Variants in CNTNAP2 observed in about 807,000 individuals in gnomAD.
CNTNAP2 encodes the protein contactin-associated protein-like 2.
Under a neutral mutation model 155.2 loss-of-function variants are expected in CNTNAP2, and 98 were observed. The observed-to-expected ratio is 0.63, with a 90% CI of 0.54 to 0.75. The LOEUF (loss-of-function observed/expected upper bound fraction) is 0.75. Among genes scored for constraint, CNTNAP2 ranks in the 30% least tolerant of loss-of-function variants. CNTNAP2 has a pLI of 0.00. For synonymous variants in CNTNAP2, 651 were observed against 631.2 expected (o/e 1.03, Z -0.47); for missense variants, 1,727 against 1,688.1 (o/e 1.02, Z -0.40).
At chr7:147,444,498 G>A (rs986737480) in intron 10 of CNTNAP2, among the ~76,000 whole-genome samples, 2 of 142,410 alleles carry the variant, frequency 1.4e-5, no homozygotes, top group African/African-American at 2.6e-5. Flanking sequence ...ATTTCATAAC[G>A]TATTTCTTTT....
intron 4 of CNTNAP2, among the ~76,000 whole-genome samples, chr7:147,080,782 G>A (rs1354090329): frequency 1.3e-5 from 2 of 150,832 alleles, no homozygotes; most frequent in East Asian, 3.9e-4. Context: ...ATGTCAATTA[G>A]AATCAGTCTC....
At chr7:146,528,330 T>C (rs956484724) in intron 1 of CNTNAP2, among the ~76,000 whole-genome samples, 5 of 152,174 alleles carry the variant, frequency 3.3e-5, no homozygotes, top group African/African-American at 7.2e-5. Flanking sequence ...GCACTGTTCT[T>C]TCTTTTATAT....
At chr7:148,077,290 C>T (rs890028042) in intron 15 of CNTNAP2, among the ~76,000 whole-genome samples, 2 of 148,562 alleles carry the variant, frequency 1.3e-5, no homozygotes, top group African/African-American at 5.1e-5. Context: ...CTGGGCAACA[C>T]AGCAAGACTT....
rs140505542 is a variant in CNTNAP2, at chr7:147,108,229, C to T, written c.633C>T (p.Val211=). The T allele has an allele frequency of 6.2e-7, 1 of 1,613,550 alleles. No individual in the cohort carries two copies. Among genetic ancestry groups the T allele is most frequent in the Non-Finnish European group, 8.5e-7 (1 of 1,179,754 alleles). ...RNKKMKTLKD[V]IALNFKTSES... is the part of the protein sequence containing the mutation. ...AGAAGATGAAAACACTGAAAGATGT[C>T]ATTGCCTTGAACTTTAAGACGTCTG... The change falls in exon 5 of 24, where the codon GTC becomes GTT. Residue 211 remains valine (V), a synonymous_variant. Transcript: ENST00000361727.
chr7:147,776,024 G>A (rs1203213790), intron 13 of CNTNAP2, among the ~76,000 whole-genome samples: 2 of 152,124 alleles, frequency 1.3e-5, no homozygotes, highest in African/African-American at 2.4e-5. Flanking sequence ...CTCAATATAA[G>A]ACCAATTAGA....
intron 4 of CNTNAP2, among the ~76,000 whole-genome samples, chr7:147,086,131 T>C (rs1800271728): frequency 6.6e-6 from 1 of 152,190 alleles, no homozygotes; most frequent in East Asian, 1.9e-4. Context: ...TCTAAGGAAA[T>C]TTTAATATGA....
At chr7:146,466,281 G>T (rs897915579) in intron 1 of CNTNAP2, among the ~76,000 whole-genome samples, 1 of 152,184 alleles carries the variant, frequency 6.6e-6, no homozygotes, top group African/African-American at 2.4e-5. Flanking sequence ...TGACTTTCAT[G>T]TGAGTGGCTG....
rs531494876 is a variant in CNTNAP2 at position 147,904,186 on chromosome 7, G to GA, written c.2255+471dup. 5.3e-5 allele frequency among the ~76,000 whole-genome samples: 8 copies of GA among 152,212 alleles called. No homozygotes were observed. The South Asian group carries it at 6.2e-4, about 12-fold the overall frequency. On this transcript the variant is annotated intron_variant, in intron 14 of 23. Coordinates refer to ENST00000361727, the MANE Select transcript of CNTNAP2 (RefSeq NM_014141.6). Reference sequence around the variant, plus strand: ...AGAGAAGGGAAAAAACAAAGAAACAGAAAAAATCATTCTTTGCTCTTGTCT... The same window carrying GA: ...AGAGAAGGGAAAAAACAAAGAAACAGAAAAAAATCATTCTTTGCTCTTGTCT...
intron 1 of CNTNAP2, among the ~76,000 whole-genome samples, chr7:146,458,579 T>TATAC (rs771312478): frequency 6.6e-6 from 1 of 152,188 alleles, no homozygotes; most frequent in Non-Finnish European, 1.5e-5. Context: ...TACACATACA[T>TATAC]ATACATACAT....
At chr7:147,966,084 T>C (rs1801204725) in intron 14 of CNTNAP2, among the ~76,000 whole-genome samples, 1 of 152,114 alleles carries the variant, frequency 6.6e-6, no homozygotes, top group Non-Finnish European at 1.5e-5. Context: ...ATCTCAAAGA[T>C]GATGTGATGT....
intron 10 of CNTNAP2, among the ~76,000 whole-genome samples, chr7:147,444,496 A>T (rs1797697148): frequency 1.3e-5 from 2 of 150,294 alleles, no homozygotes. Flanking sequence ...AAATTTCATA[A>T]CGTATTTCTT....
intron 21 of CNTNAP2, among the ~76,000 whole-genome samples, chr7:148,357,025 T>C (rs1167200201): frequency 6.6e-6 from 1 of 152,278 alleles, no homozygotes; most frequent in Non-Finnish European, 1.5e-5. Flanking sequence ...TCCAGCTTTA[T>C]CCAATATCCA....
At chr7:146,502,822 C>T (rs969916784) in intron 1 of CNTNAP2, among the ~76,000 whole-genome samples, 1 of 152,126 alleles carries the variant, frequency 6.6e-6, no homozygotes, top group African/African-American at 2.4e-5. Context: ...GTCATGTTGG[C>T]CAGGCTGGTC....
intron 1 of CNTNAP2, among the ~76,000 whole-genome samples, chr7:146,685,590 TCACA>T (rs750094830): frequency 6.6e-6 from 1 of 152,154 alleles, no homozygotes; most frequent in Non-Finnish European, 1.5e-5. Context: ...ATTTCTGTTT[TCACA>T]CAGAACAAAT....
intron 9 of CNTNAP2, among the ~76,000 whole-genome samples, chr7:147,304,107 C>G (rs1334527688): frequency 6.6e-6 from 1 of 152,160 alleles, no homozygotes; most frequent in Non-Finnish European, 1.5e-5. Context: ...CTCCAGTGTG[C>G]AATTTTATCT....
chr7:147,959,220 G>GT (rs1285649101), intron 14 of CNTNAP2, among the ~76,000 whole-genome samples: 1 of 152,098 alleles, frequency 6.6e-6, no homozygotes, highest in Non-Finnish European at 1.5e-5. Context: ...GTTGGCTCAA[G>GT]TGTGAGTGCA....
At chr7:147,899,290 T>G (rs544252734) in intron 13 of CNTNAP2, among the ~76,000 whole-genome samples, 1 of 152,258 alleles carries the variant, frequency 6.6e-6, no homozygotes, top group Non-Finnish European at 1.5e-5. Context: ...CAGTGAGTTA[T>G]GATTGCTCCA....
chr7:146,451,880 C>CATACGTGTATGTATATATACATATATAT (rs71175650), intron 1 of CNTNAP2, among the ~76,000 whole-genome samples: 1 of 106,254 alleles, frequency 9.4e-6, no homozygotes, highest in African/African-American at 9.7e-5. Flanking sequence ...CGTATATATA[C>CATACGTGTATGTATATATACATATATAT]ACATATACAT....
chr7:147,559,148 T>A (rs1800010580), intron 11 of CNTNAP2, among the ~76,000 whole-genome samples: 1 of 152,184 alleles, frequency 6.6e-6, no homozygotes, highest in South Asian at 2.1e-4. Context: ...AGTGTTGGGA[T>A]TACAGGCATG....
Sources: gnomAD v4.1 joint callset for allele counts (sites outside exome capture counted in the v4.1 genomes callset) on GRCh38, gnomAD v4.1.1 for gene constraint, MANE v1.5 for transcripts, NCBI Gene and HGNC (gene_info 2026-07-23, HGNC 2026-07-21) for gene names.